FBXO42: variants seen among roughly 807,000 people sequenced by gnomAD.
FBXO42 encodes F-box protein 42, also known as F-box only protein 42.
Under a neutral mutation model 71.7 loss-of-function variants are expected in FBXO42, and 12 were observed. That is an observed-to-expected ratio of 0.17 (90% CI 0.11 to 0.27). FBXO42 has a LOEUF of 0.27. Among genes scored for constraint, FBXO42 ranks in the 10% least tolerant of loss-of-function variants. The pLI is 1.00. For missense variants in FBXO42, 707 were observed against 911.9 expected (o/e 0.78, Z 2.89); for synonymous variants, 325 against 327.5 (o/e 0.99, Z 0.08).
At chr1:16,281,477 T>G (rs2081963051) in intron 4 of FBXO42, among the ~76,000 whole-genome samples, 1 of 150,336 alleles carries the variant, frequency 6.7e-6, no homozygotes, top group South Asian at 2.1e-4. Flanking sequence ...TTTTTGTTTT[T>G]TTTTTTTTTT....
intron 1 of FBXO42, among the ~76,000 whole-genome samples, chr1:16,324,410 A>G (rs1465376900): frequency 1.3e-5 from 2 of 152,230 alleles, no homozygotes; most frequent in Admixed American, 6.5e-5. Context: ...AGAACATTAT[A>G]TAATAAATGA....
At chr1:16,349,795 G>A (rs1462056170) in intron 1 of FBXO42, among the ~76,000 whole-genome samples, 3 of 152,240 alleles carry the variant, frequency 2.0e-5, no homozygotes, top group Admixed American at 6.5e-5. Flanking sequence ...CGGAGAGGTG[G>A]AGGTTGCAGT....
chr1:16,294,845 G>A lies in FBXO42; in HGVS notation c.440C>T (p.Ala147Val). The A allele has an allele frequency of 1.9e-6, 3 of 1,614,128 alleles. No homozygotes were observed. Among genetic ancestry groups the A allele is most frequent in the Non-Finnish European group, 2.5e-6 (3 of 1,179,998 alleles). Reference protein sequence around the residue: ...GGCTQSSCNAAFNDLWRLDLN... With the variant: ...GGCTQSSCNAVFNDLWRLDLN... ...GTCAAGTCTCCAGAGGTCATTGAAA[G>A]CAGCATTGCAGCTGCTCTGGGTACA... The change falls in exon 4 of 10, where the codon GCT becomes GTT. Residue 147 changes from alanine to valine, a missense_variant. By Grantham distance (64) the Ala-to-Val change is moderately conservative (BLOSUM62 0). This residue lies in a region of FBXO42 where 188 missense variants were observed against 230.5 expected (regional missense o/e 0.82). Coordinates refer to ENST00000375592, the MANE Select transcript of FBXO42 (RefSeq NM_018994.3).
At chr1:16,322,131 T>C (rs758301421) in intron 1 of FBXO42, among the ~76,000 whole-genome samples, 16 of 152,248 alleles carry the variant, frequency 1.1e-4, no homozygotes, top group Non-Finnish European at 2.4e-4. Flanking sequence ...TATATGTTAC[T>C]AGATGTTGTC....
Position 16,251,946 on chromosome 1 carries a change from A to G in FBXO42, c.1039-161T>C, listed in dbSNP as rs978950750. Among the ~76,000 whole-genome samples, 2 of 152,250 alleles carry G rather than the reference A, an allele frequency of 1.3e-5. No homozygotes were observed. Among genetic ancestry groups the G allele is most frequent in the African/African-American group, 4.8e-5 (2 of 41,464 alleles). ...TAGTCTGCCCTCTAGGCTAGAAGTC[A>G]GACATGGGAACAATCGCTGCTTTGT... On this transcript the variant is annotated intron_variant, in intron 9 of 9. Transcript: ENST00000375592. The surrounding 1 kb of genome is among the most constrained non-coding windows in gnomAD (Gnocchi z 4.5).
At chr1:16,256,210 A>G (rs976759197) in intron 5 of FBXO42, among the ~76,000 whole-genome samples, 3 of 152,208 alleles carry the variant, frequency 2.0e-5, no homozygotes, top group African/African-American at 7.2e-5. Context: ...TGTCATTAAG[A>G]GATATATGTT....
chr1:16,258,259 C>T (rs538659496), intron 4 of FBXO42, among the ~76,000 whole-genome samples: 1 of 152,122 alleles, frequency 6.6e-6, no homozygotes, highest in African/African-American at 2.4e-5. Context: ...TGTGATCTCA[C>T]TTAGGGGAAC....
intron 1 of FBXO42, among the ~76,000 whole-genome samples, chr1:16,323,835 G>A (rs1569924322): frequency 1.3e-5 from 2 of 149,952 alleles, no homozygotes; most frequent in Non-Finnish European, 1.5e-5. Flanking sequence ...GGGACAAGAA[G>A]GAGGAGCAGA....
rs2081564564 is a variant in FBXO42, at chr1:16,249,122, A to T, written c.*1548T>A. 1 of 152,274 alleles carries T rather than the reference A, an allele frequency of 6.6e-6. No homozygotes were observed. Among genetic ancestry groups the T allele is most frequent in the Admixed American group, 6.5e-5 (1 of 15,292 alleles). The allele number at this position is 152,274 out of a possible 1,614,324, so 9.4% of individuals were successfully genotyped here. ...TAGGATTTAAATTTCAAAACAAAAC[A>T]AAGGCAAAACAAAAATCCTCTTTCC... is the stretch of plus-strand genomic sequence containing the variant. On this transcript the variant is annotated 3_prime_UTR_variant, in exon 10 of 10. Transcript: ENST00000375592.
intron 1 of FBXO42, among the ~76,000 whole-genome samples, chr1:16,342,414 A>C (rs1308273139): frequency 6.6e-6 from 1 of 151,014 alleles, no homozygotes; most frequent in East Asian, 1.9e-4. Flanking sequence ...AAAAAAAAAA[A>C]AAACCCTAAC....
intron 3 of FBXO42, among the ~76,000 whole-genome samples, chr1:16,295,207 T>C (rs2082116252): frequency 6.6e-6 from 1 of 152,156 alleles, no homozygotes; most frequent in South Asian, 2.1e-4. Context: ...TTAAAGGTGC[T>C]CAAATGAGGG....
chr1:16,312,467 C>T (rs187664668), intron 2 of FBXO42, among the ~76,000 whole-genome samples: 2 of 152,094 alleles, frequency 1.3e-5, no homozygotes, highest in Non-Finnish European at 2.9e-5. Context: ...CTAGAAAAGG[C>T]AAAACTATGG....
intron 1 of FBXO42, among the ~76,000 whole-genome samples, chr1:16,334,460 A>C (rs371285573): frequency 6.1e-4 from 93 of 151,914 alleles, no homozygotes; most frequent in African/African-American, 2.2e-3. Context: ...TCTACAGATA[A>C]GACTAATGAC....
chr1:16,330,178 T>C (rs1377915895), intron 1 of FBXO42, among the ~76,000 whole-genome samples: 2 of 152,160 alleles, frequency 1.3e-5, no homozygotes, highest in East Asian at 3.8e-4. Flanking sequence ...AAATAAAACT[T>C]TCTGTGTATC....
At chr1:16,324,354 T>G (rs952471667) in intron 1 of FBXO42, among the ~76,000 whole-genome samples, 48 of 152,160 alleles carry the variant, frequency 3.2e-4, no homozygotes, top group Non-Finnish European at 5.6e-4. Flanking sequence ...GTCAAACAGA[T>G]GGACCCACTA....
intron 4 of FBXO42, among the ~76,000 whole-genome samples, chr1:16,257,342 T>C (rs768481206): frequency 6.6e-5 from 10 of 152,212 alleles, no homozygotes; most frequent in Non-Finnish European, 1.0e-4. Context: ...CCCCTAGCTA[T>C]GGGCTTCACA....
intron 4 of FBXO42, among the ~76,000 whole-genome samples, chr1:16,274,103 C>T (rs977468872): frequency 6.6e-6 from 1 of 151,786 alleles, no homozygotes; most frequent in Non-Finnish European, 1.5e-5. Flanking sequence ...TGAGACCAGG[C>T]ATTCAAGACC....
chr1:16,301,690 A>AC (rs1258357511), intron 3 of FBXO42, among the ~76,000 whole-genome samples: 33 of 151,038 alleles, frequency 2.2e-4, no homozygotes, highest in Non-Finnish European at 3.1e-4. Flanking sequence ...AAAACAACAA[A>AC]AAAAAAAGAA....
intron 1 of FBXO42, among the ~76,000 whole-genome samples, chr1:16,324,747 T>C (rs542173149): frequency 6.6e-6 from 1 of 152,234 alleles, no homozygotes; most frequent in African/African-American, 2.4e-5. Flanking sequence ...GCCCAGGAGT[T>C]AGATGCTGCA....
Sources: gnomAD v4.1 joint callset for allele counts (sites outside exome capture counted in the v4.1 genomes callset) on GRCh38, gnomAD v4.1.1 for gene constraint, gnomAD v4.1.1 regional missense constraint, Gnocchi (gnomAD v3.1) non-coding constraint, MANE v1.5 for transcripts, NCBI Gene and HGNC (gene_info 2026-07-23, HGNC 2026-07-21) for gene names.